LRP5: variants seen among roughly 807,000 people sequenced by gnomAD.
The protein encoded by LRP5 is LDL receptor related protein 5, also known as low-density lipoprotein receptor-related protein 5.
LRP5 carries 62 observed loss-of-function variants against 154.1 expected under a neutral mutation model. The ratio of observed to expected loss-of-function variants is 0.40; its 90% CI spans 0.33 to 0.50. LRP5 has a LOEUF of 0.50. Ranked by LOEUF, LRP5 falls within the 20% of genes least tolerant of loss-of-function variation. The pLI, the probability that LRP5 is intolerant of heterozygous loss-of-function variation, is 0.55. For synonymous variants in LRP5, 966 were observed against 1,011.5 expected (o/e 0.96, Z 0.85); for missense variants, 1,915 against 2,336.7 (o/e 0.82, Z 3.72).
Position 68,406,539 on chromosome 11 carries a change from C to A in LRP5, c.1817C>A (p.Ala606Glu). 1 of 1,614,116 alleles carries A rather than the reference C, an allele frequency of 6.2e-7. No individual in the cohort carries two copies. Among genetic ancestry groups the A allele is most frequent in the South Asian group, 1.1e-5 (1 of 91,082 alleles). ...VAKVVGTNPCADRNGGCSHLC... is the reference protein window; with the variant it reads ...VAKVVGTNPCEDRNGGCSHLC... The stretch of plus-strand genomic sequence containing the variant: ...TCGCTTCCAGGAACCAACCCGTGTG[C>A]GGACAGGAACGGGGGGTGCAGCCAC... The change falls in exon 9 of 23, where the codon GCG becomes GAG. Residue 606 changes from alanine to glutamate, a missense_variant. Physicochemically the swap from Ala to Glu is moderately radical, Grantham distance 107. Around this residue, in one of 3 missense-constraint regions of LRP5, gnomAD observed 773 missense variants for 1,100.9 expected, o/e 0.70. Transcript: ENST00000294304.
chr11:68,396,557 G>T (rs562926290), intron 7 of LRP5, among the ~76,000 whole-genome samples: 153 of 152,310 alleles, frequency 1.0e-3, no homozygotes, highest in Non-Finnish European at 1.9e-3. Flanking sequence ...GAAGAACAAA[G>T]GTCTATGAAA....
rs536958477 is a variant in LRP5, at chr11:68,413,325, G to A, written c.2504-364G>A. ...CTCGGTACGTGTTTTGGACTTAAAC[G>A]CTCCGGATGTTTACTGAGTGCTTGA... On this transcript the variant is annotated intron_variant, in intron 11 of 22. Coordinates refer to ENST00000294304, the MANE Select transcript of LRP5 (RefSeq NM_002335.4). The surrounding 1 kb of genome is among the most constrained non-coding windows in gnomAD (Gnocchi z 5.1). 159 of 401,660 alleles carry A rather than the reference G, an allele frequency of 4.0e-4. No individual in the cohort carries two copies. Among genetic ancestry groups the A allele is most frequent in the South Asian group, 3.2e-3 (117 of 36,580 alleles). The allele number at this position is 401,660 out of a possible 1,614,324, so 24.9% of individuals were successfully genotyped here.
chr11:68,418,221 A>G (rs906237198), intron 13 of LRP5, among the ~76,000 whole-genome samples: 4 of 151,974 alleles, frequency 2.6e-5, no homozygotes, highest in African/African-American at 7.2e-5. Flanking sequence ...CCTGGCCAAC[A>G]TGGTGAAACC....
At chr11:68,440,287 CA>C (rs1256184551) in intron 21 of LRP5, among the ~76,000 whole-genome samples, 2 of 152,164 alleles carry the variant, frequency 1.3e-5, no homozygotes, top group Non-Finnish European at 2.9e-5. Context: ...CCTCCACAAA[CA>C]CCCTGTTCTC....
At chr11:68,381,636 T>C (rs1305458813) in intron 5 of LRP5, among the ~76,000 whole-genome samples, 1 of 152,184 alleles carries the variant, frequency 6.6e-6, no homozygotes, top group East Asian at 1.9e-4. Context: ...TTTCAGGCAA[T>C]GTTGTGGGGC....
chr11:68,362,284 C>T (rs560416153), intron 3 of LRP5, among the ~76,000 whole-genome samples: 1 of 152,190 alleles, frequency 6.6e-6, no homozygotes, highest in Admixed American at 6.5e-5. Context: ...TGACTGCTGC[C>T]GGGTGTGGGG....
At chr11:68,321,734 C>T (rs576262279) in intron 1 of LRP5, among the ~76,000 whole-genome samples, 2 of 152,326 alleles carry the variant, frequency 1.3e-5, no homozygotes, top group South Asian at 2.1e-4. Context: ...AGTTAATTAT[C>T]ACTCCCCTCC....
intron 1 of LRP5, among the ~76,000 whole-genome samples, chr11:68,319,502 G>T (rs577633667): frequency 6.6e-5 from 10 of 151,858 alleles, no homozygotes; most frequent in Admixed American, 6.6e-4. Context: ...GGCATGAGCC[G>T]CTGTGCCCAG....
At chr11:68,333,042 A>T (rs11604184) in intron 1 of LRP5, among the ~76,000 whole-genome samples, 5 of 152,206 alleles carry the variant, frequency 3.3e-5, no homozygotes, top group African/African-American at 1.2e-4. Flanking sequence ...GAATTGTGTC[A>T]CTGACTTGGG....
intron 1 of LRP5, among the ~76,000 whole-genome samples, chr11:68,338,023 CGT>C (rs141880069): frequency 2.6e-5 from 4 of 151,948 alleles, no homozygotes; most frequent in Non-Finnish European, 5.9e-5. Context: ...TTTGTGTGTG[CGT>C]GTGTGTGTGT....
At chr11:68,389,799 G>A in intron 6 of LRP5, 82 bp from the exon 7 acceptor site, 1 of 1,456,450 alleles carries the variant, frequency 6.9e-7, no homozygotes. Flanking sequence ...GCCGGCTTGG[G>A]GGCAGGCCTT....
rs549694807 is a variant in LRP5, at chr11:68,433,603, G to A, written c.3765G>A (p.Glu1255=). The change falls in exon 18 of 23, where the codon GAG becomes GAA. Residue 1255 remains glutamate, a splice_region_variant and synonymous_variant. Transcript: ENST00000294304. ...TGTTCTCCTCTGTCCCTCCCCCAGAGCCGCCCACCTGCTCCCCGGACCAGT... is the reference window on the plus strand; with the variant it reads ...TGTTCTCCTCTGTCCCTCCCCCAGAACCGCCCACCTGCTCCCCGGACCAGT... ...VLLQNLLTCG[E]PPTCSPDQFA... is the part of the protein sequence containing the mutation. 2.5e-6 allele frequency: 4 copies of A among 1,613,012 alleles called. 1 individual carries two copies. The highest frequency in any genetic ancestry group is 2.7e-5 in the African/African-American group (2 of 75,040).
At chr11:68,394,188 C>T (rs1178118333) in intron 7 of LRP5, among the ~76,000 whole-genome samples, 1 of 152,138 alleles carries the variant, frequency 6.6e-6, no homozygotes, top group East Asian at 1.9e-4. Context: ...GTCCTGAAGT[C>T]ACTTTATATC....
intron 7 of LRP5, among the ~76,000 whole-genome samples, chr11:68,394,338 C>T (rs2098648001): frequency 1.3e-5 from 2 of 152,130 alleles, no homozygotes; most frequent in Admixed American, 1.3e-4. Flanking sequence ...TCAGACAAAG[C>T]AAGAGAAATG....
At chr11:68,439,950 A>C (rs1028418024) in intron 21 of LRP5, 34 bp downstream of exon 21, 2 of 990,818 alleles carry the variant, frequency 2.0e-6, no homozygotes, top group African/African-American at 3.3e-5. Flanking sequence ...GCGGGGCGGG[A>C]TGGGGCTGTG....
chr11:68,314,115 A>T (rs777652046), intron 1 of LRP5, among the ~76,000 whole-genome samples: 1 of 152,218 alleles, frequency 6.6e-6, no homozygotes, highest in Non-Finnish European at 1.5e-5. Context: ...TCTGGGGAGT[A>T]CAGGCCAGCG....
intron 5 of LRP5, among the ~76,000 whole-genome samples, chr11:68,381,821 C>T (rs967336953): frequency 6.6e-6 from 1 of 152,148 alleles, no homozygotes; most frequent in African/African-American, 2.4e-5. Flanking sequence ...CCCCTCCCAA[C>T]CCCAGGCCTG....
At chr11:68,437,091 G>C in intron 19 of LRP5, 92 bp downstream of exon 19, 2 of 1,089,414 alleles carry the variant, frequency 1.8e-6, no homozygotes, top group Non-Finnish European at 2.8e-6. Context: ...TTTCCAGCGG[G>C]GCTGGGGGCT....
chr11:68,301,447 C>T, the LRP5 span, among the ~76,000 whole-genome samples: 1 of 147,574 alleles, frequency 6.8e-6, no homozygotes, highest in Admixed American at 6.8e-5. Context: ...TGCACTCCAG[C>T]CTGGGCAACA....
Sources: allele counts gnomAD v4.1 joint callset (sites outside exome capture counted in the v4.1 genomes callset), GRCh38; gene constraint gnomAD v4.1.1; regional missense constraint gnomAD v4.1.1; non-coding constraint Gnocchi (gnomAD v3.1); transcripts MANE v1.5; gene names NCBI Gene and HGNC (gene_info 2026-07-23, HGNC 2026-07-21).